The following ALK variants were observed in gnomAD, a reference collection of about 807,000 sequenced individuals.
The protein encoded by ALK is ALK tyrosine kinase receptor.
A neutral mutation model predicts 163.1 loss-of-function variants in ALK; 74 were observed. The ratio of observed to expected loss-of-function variants is 0.45; its 90% CI spans 0.38 to 0.55. ALK has a LOEUF of 0.55. Ranked by LOEUF, ALK falls within the 20% of genes least tolerant of loss-of-function variation. The probability of loss-of-function intolerance (pLI) is 0.00; values close to 1 mark genes in which losing one functional copy is unlikely to be tolerated. For missense variants in ALK, 2,063 were observed against 2,105.3 expected, an observed-to-expected ratio of 0.98 and a Z score of 0.39; for synonymous variants, 960 against 843.2, an observed-to-expected ratio of 1.14 and a Z score of -2.40.
chr2:29,214,122 C>T (rs2148159717), intron 23 of ALK, 41 bp from the exon 24 acceptor site: 1 of 1,555,436 alleles, frequency 6.4e-7, no homozygotes, highest in Non-Finnish European at 8.9e-7. Flanking sequence ...AGGAGCTTGT[C>T]AGTGAGAGGA....
At chr2:29,296,021 C>T (rs1017796863) in intron 9 of ALK, among the ~76,000 whole-genome samples, 4 of 152,194 alleles carry the variant, frequency 2.6e-5, no homozygotes, top group South Asian at 2.1e-4. Context: ...TATTCAAGTA[C>T]GGCTTGCTCC....
intron 4 of ALK, among the ~76,000 whole-genome samples, chr2:29,432,308 T>A (rs1670291172): frequency 6.6e-6 from 1 of 151,968 alleles, no homozygotes; most frequent in Admixed American, 6.6e-5. Context: ...TCCCATGAGA[T>A]CTGGTTATTT....
At chr2:29,309,918 C>T (rs1377457227) in intron 8 of ALK, among the ~76,000 whole-genome samples, 1 of 152,152 alleles carries the variant, frequency 6.6e-6, no homozygotes, top group Non-Finnish European at 1.5e-5. Context: ...GCAGCAGCAA[C>T]TTCCTCATGC....
In ALK at chr2:29,717,482, G is replaced by C. The variant is rs1030476897; in HGVS notation, c.787+96C>G. On this transcript the variant is annotated intron_variant, in intron 2 of 28. Transcript: ENST00000389048. ...TTTGCATATAGGGAGCTGAGGGAAT[G>C]CCCTGGAGCACTATGAATCCCAAAC... 4.2e-6 allele frequency: 6 copies of C among 1,443,078 alleles called. No homozygotes were observed. The African/African-American group carries it at 4.2e-5, about 10-fold the overall frequency. The allele number at this position is 1,443,078 out of a possible 1,614,324, so 89.4% of individuals were successfully genotyped here. A position where few individuals can be genotyped will look rare whatever the true frequency, so the allele number is the denominator to read the frequency against.
chr2:29,857,124 C>A (rs1358979112), intron 1 of ALK, among the ~76,000 whole-genome samples: 1 of 152,100 alleles, frequency 6.6e-6, no homozygotes, highest in Non-Finnish European at 1.5e-5. Flanking sequence ...TTATAAATAA[C>A]CTAGATCATG....
intron 26 of ALK, among the ~76,000 whole-genome samples, chr2:29,201,431 C>T (rs537065798): frequency 3.9e-5 from 6 of 152,254 alleles, no homozygotes; most frequent in East Asian, 3.9e-4. Flanking sequence ...TCCTTGACTC[C>T]GTTATCCCAC....
Position 29,318,413 on chromosome 2 carries a change from G to A in ALK, c.1547-9C>T, listed in dbSNP as rs1407636031. ...GAGCAATAGAGCATGGTCTAGGAGAGAGGAAAAGAATCACAAGCACGCCAT... is the reference window on the plus strand; with the variant it reads ...GAGCAATAGAGCATGGTCTAGGAGAAAGGAAAAGAATCACAAGCACGCCAT... On this transcript the variant is annotated splice_polypyrimidine_tract_variant and intron_variant, in intron 7 of 28. Transcript: ENST00000389048. 1.9e-6 allele frequency: 3 copies of A among 1,598,522 alleles called. No individual in the cohort carries two copies. Among genetic ancestry groups the A allele is most frequent in the South Asian group, 2.2e-5 (2 of 90,748 alleles).
intron 4 of ALK, among the ~76,000 whole-genome samples, chr2:29,517,324 C>A (rs1424469281): frequency 6.6e-6 from 1 of 152,086 alleles, no homozygotes; most frequent in African/African-American, 2.4e-5. Context: ...CTTCATTATA[C>A]AACTGTCATT....
chr2:29,731,510 C>T (rs548943188), intron 1 of ALK, among the ~76,000 whole-genome samples: 100 of 152,316 alleles, frequency 6.6e-4, no homozygotes, highest in African/African-American at 2.4e-3. Flanking sequence ...CTTCCTGGGT[C>T]TTGCTGTCAC....
Position 29,531,942 on chromosome 2 carries a change from A to G in ALK, c.1127T>C (p.Leu376Pro), listed in dbSNP as rs966612700. Reference sequence around the variant, plus strand: ...ATGCTTCCCTGGAGTGGGCATCAGGAGGATCTCTCTTGCAGCCTCGTTGTG... The same window carrying G: ...ATGCTTCCCTGGAGTGGGCATCAGGGGGATCTCTCTTGCAGCCTCGTTGTG... ...LPHNEAAREI[L>P]LMPTPGKHGW... Residue 376 changes from leucine to proline, a missense_variant, in exon 4 of 29, where the codon CTC becomes CCC. Coordinates refer to ENST00000389048, the MANE Select transcript of ALK (RefSeq NM_004304.5). The G allele has an allele frequency of 8.7e-6, 14 of 1,614,020 alleles. No individual in the cohort carries two copies. Among genetic ancestry groups the G allele is most frequent in the Non-Finnish European group, 1.2e-5 (14 of 1,180,012 alleles).
At chr2:29,401,733 A>G (rs1669450676) in intron 4 of ALK, among the ~76,000 whole-genome samples, 2 of 152,180 alleles carry the variant, frequency 1.3e-5, no homozygotes, top group Non-Finnish European at 2.9e-5. Flanking sequence ...AGGAGGTGAC[A>G]TGGGTTGGGT....
chr2:29,403,433 G>A (rs548429480), intron 4 of ALK, among the ~76,000 whole-genome samples: 3 of 152,222 alleles, frequency 2.0e-5, no homozygotes, highest in East Asian at 3.9e-4. Context: ...CTAAGCTCAT[G>A]ACGCTCCTGA....
At chr2:29,696,212 G>T (rs565450711) in intron 2 of ALK, among the ~76,000 whole-genome samples, 1 of 152,102 alleles carries the variant, frequency 6.6e-6, no homozygotes, top group Non-Finnish European at 1.5e-5. Flanking sequence ...CCTTAAAAAC[G>T]GATGAGTTCA....
rs1409642917 is a variant in ALK at position 29,921,160 on chromosome 2, G to A, written c.-501C>T. The A allele has an allele frequency of 8.4e-6, 2 of 236,834 alleles. No homozygotes were observed. The highest frequency in any genetic ancestry group is 1.7e-5 in the Non-Finnish European group (2 of 120,714). 14.7% of individuals were successfully genotyped at this position (236,834 alleles called of 1,614,324 possible). A position where few individuals can be genotyped will look rare whatever the true frequency, so the allele number is the denominator to read the frequency against. On this transcript the variant is annotated 5_prime_UTR_variant, in exon 1 of 29. Transcript: ENST00000389048. ...CCTGGCCGCCTTTTGCGTTCCTTTT[G>A]GCTCCTCCAAGCTCTTCTGCCCGGT...
In ALK at chr2:29,739,240, T is replaced by TAAAAAAAAA. The variant is rs57381961; in HGVS notation, c.668-21552_668-21544dup. ...GGCAACAGGGCAAGACAGTCTCTCT[T>TAAAAAAAAA]AAAAAAAAAAAAAAAAAAAAAAAAA... On this transcript the variant is annotated intron_variant, in intron 1 of 28. Transcript: ENST00000389048. Among the ~76,000 whole-genome samples the TAAAAAAAAA allele has an allele frequency of 1.7e-4, 7 of 40,334 alleles. 1 individual carries two copies. Among genetic ancestry groups the TAAAAAAAAA allele is most frequent in the African/African-American group, 7.2e-4 (7 of 9,748 alleles). The allele number at this position is 40,334 out of a possible 152,430, so 26.5% of individuals were successfully genotyped here. A position where few individuals can be genotyped will look rare whatever the true frequency, so the allele number is the denominator to read the frequency against.
At chr2:29,358,689 C>G (rs964178495) in intron 5 of ALK, among the ~76,000 whole-genome samples, 1 of 152,204 alleles carries the variant, frequency 6.6e-6, no homozygotes, top group African/African-American at 2.4e-5. Flanking sequence ...TGTACAGCAT[C>G]TCATCTGCAC....
chr2:29,532,206 A>G, intron 3 of ALK, 90 bp from the exon 4 acceptor site: 1 of 1,212,734 alleles, frequency 8.2e-7, no homozygotes, highest in Non-Finnish European at 1.2e-6. Flanking sequence ...AAATGGCATC[A>G]AAATCAGAGA....
intron 12 of ALK, 91 bp from the exon 13 acceptor site, chr2:29,239,921 A>G (rs1664480305): frequency 1.4e-6 from 2 of 1,463,828 alleles, no homozygotes; most frequent in African/African-American, 2.8e-5. Flanking sequence ...GGCTAAGCAC[A>G]TCGCCATCGT....
intron 9 of ALK, among the ~76,000 whole-genome samples, chr2:29,292,768 G>A (rs971631738): frequency 4.6e-5 from 7 of 152,160 alleles, no homozygotes; most frequent in Admixed American, 1.3e-4. Context: ...ATTCTGTAAT[G>A]ATGACAGACT....
Sources: allele counts gnomAD v4.1 joint callset (sites outside exome capture counted in the v4.1 genomes callset), GRCh38; gene constraint gnomAD v4.1.1; transcripts MANE v1.5; gene names NCBI Gene and HGNC (gene_info 2026-07-23, HGNC 2026-07-21).